SHOC2: variants seen among roughly 807,000 people sequenced by gnomAD.
SHOC2 encodes the protein SHOC2 leucine rich repeat scaffold protein, also known as leucine-rich repeat protein SHOC-2.
Under a neutral mutation model 50.2 loss-of-function variants are expected in SHOC2, and 4 were observed. That is an observed-to-expected ratio of 0.08 (90% CI 0.04 to 0.18). SHOC2 has a LOEUF of 0.18. SHOC2 is among the 10% of genes least tolerant of loss of function. The pLI, the probability that SHOC2 is intolerant of heterozygous loss-of-function variation, is 1.00. For synonymous variants in SHOC2, 218 were observed against 244.5 expected (o/e 0.89, Z 1.01); for missense variants, 388 against 669.6 (o/e 0.58, Z 4.64).
At chr10:111,008,134 TTTCTGTATCTAGAATGCCCTC>T (rs1334043003) in intron 6 of SHOC2, among the ~76,000 whole-genome samples, 1 of 147,030 alleles carries the variant, frequency 6.8e-6, no homozygotes, top group Non-Finnish European at 1.5e-5. Flanking sequence ...GTCCTATTGT[TTTCTGTATCTAGAATGCCCTC>T]TTCTCATCCC....
Position 110,963,444 on chromosome 10 carries a change from A to G in SHOC2, c.-234-681A>G, listed in dbSNP as rs888314052. Among the ~76,000 whole-genome samples, 6 of 152,276 alleles carry G rather than the reference A, an allele frequency of 3.9e-5. No individual in the cohort carries two copies. In the South Asian group the frequency reaches 1.2e-3, roughly 32 times the overall value. ...ATGTAGAGTGCTTATTAAAGTACAG[A>G]TTATTAATGCCCCTTTCCCTGAACT... On this transcript the variant is annotated intron_variant, in intron 1 of 8. Coordinates refer to ENST00000369452, the MANE Select transcript of SHOC2 (RefSeq NM_007373.4).
At chr10:111,002,481 A>G (rs1402892047) in intron 4 of SHOC2, among the ~76,000 whole-genome samples, 1 of 152,184 alleles carries the variant, frequency 6.6e-6, no homozygotes, top group East Asian at 1.9e-4. Flanking sequence ...ATGTAGGTGT[A>G]TACATATAGA....
At chr10:110,992,858 A>G (rs1848209468) in intron 3 of SHOC2, among the ~76,000 whole-genome samples, 1 of 152,084 alleles carries the variant, frequency 6.6e-6, no homozygotes, top group Non-Finnish European at 1.5e-5. Context: ...AAATAATGGT[A>G]CCTTTGACAT....
At chr10:110,973,924 G>A (rs1453351829) in intron 2 of SHOC2, among the ~76,000 whole-genome samples, 1 of 151,244 alleles carries the variant, frequency 6.6e-6, no homozygotes, top group Non-Finnish European at 1.5e-5. Context: ...TCTTGAAATT[G>A]GTAATTTGGG....
intron 2 of SHOC2, 38 bp from the exon 3 acceptor site, chr10:110,985,590 A>G: frequency 6.7e-7 from 1 of 1,500,322 alleles, no homozygotes; most frequent in Non-Finnish European, 9.3e-7. Context: ...ATGTTCTTTA[A>G]TAATGCTTAT....
chr10:110,998,695 C>A (rs1030428832), intron 3 of SHOC2, among the ~76,000 whole-genome samples: 1 of 152,108 alleles, frequency 6.6e-6, no homozygotes, highest in Non-Finnish European at 1.5e-5. Context: ...GTGGTGGTTA[C>A]ATTTTTCTGC....
At chr10:111,002,167 A>C (rs1465164633) in intron 4 of SHOC2, among the ~76,000 whole-genome samples, 5 of 152,234 alleles carry the variant, frequency 3.3e-5, no homozygotes, top group Admixed American at 6.5e-5. Context: ...GGAGCTTGTT[A>C]GAAATGTGGA....
chr10:111,009,208 T>G lies in SHOC2; in HGVS notation c.1285-40T>G, dbSNP rs1158474741. 3 of 1,382,216 alleles carry G rather than the reference T, an allele frequency of 2.2e-6. No individual in the cohort carries two copies. The East Asian group carries it at 6.9e-5, about 32-fold the overall frequency. 85.6% of individuals were successfully genotyped at this position (1,382,216 alleles called of 1,614,324 possible). A position where few individuals can be genotyped will look rare whatever the true frequency, so the allele number is the denominator to read the frequency against. ...CACACAATGACAGTATATAATTTCATTTCATGATTTCCTAAACATTATCAA... is the reference window on the plus strand; with the variant it reads ...CACACAATGACAGTATATAATTTCAGTTCATGATTTCCTAAACATTATCAA... On this transcript the variant is annotated intron_variant, in intron 6 of 8. Coordinates refer to ENST00000369452, the MANE Select transcript of SHOC2 (RefSeq NM_007373.4).
At chr10:110,939,245 G>C (rs989113479) in intron 1 of SHOC2, among the ~76,000 whole-genome samples, 2 of 151,806 alleles carry the variant, frequency 1.3e-5, no homozygotes, top group African/African-American at 4.8e-5. Flanking sequence ...TTGAGACTCG[G>C]TTTCACTGTG....
rs1302774310 is a variant in SHOC2, at chr10:110,964,712, A to G, written c.354A>G (p.Ser118=). 2.5e-6 allele frequency: 4 copies of G among 1,614,034 alleles called. No homozygotes were observed. The Admixed American group carries it at 6.7e-5, about 27-fold the overall frequency. Residue 118 remains serine, a synonymous_variant, in exon 2 of 9, where the codon TCA becomes TCG. Transcript: ENST00000369452. The surrounding 1 kb of genome is among the most constrained non-coding windows in gnomAD (Gnocchi z 4.9). Reference sequence around the variant, plus strand: ...GATCTATACACATATTGCCATCATCAATCAAAGAGTTGACTCAATTAACAG... The same window carrying G: ...GATCTATACACATATTGCCATCATCGATCAAAGAGTTGACTCAATTAACAG... ...SKRSIHILPS[S]IKELTQLTEL...
intron 1 of SHOC2, among the ~76,000 whole-genome samples, chr10:110,933,040 A>C (rs1252291517): frequency 6.6e-6 from 1 of 152,204 alleles, no homozygotes; most frequent in African/African-American, 2.4e-5. Context: ...TCTGGCTGGA[A>C]GTAGTAGATA....
chr10:110,969,813 A>G (rs1249915035), intron 2 of SHOC2, among the ~76,000 whole-genome samples: 1 of 152,104 alleles, frequency 6.6e-6, no homozygotes, highest in Non-Finnish European at 1.5e-5. Flanking sequence ...AAATTATCTA[A>G]TATATTAAAG....
At chr10:110,949,902 A>G (rs1263199277) in intron 1 of SHOC2, among the ~76,000 whole-genome samples, 1 of 152,188 alleles carries the variant, frequency 6.6e-6, no homozygotes, top group Admixed American at 6.5e-5. Context: ...AACTCAACAA[A>G]TTAGGGATAG....
intron 3 of SHOC2, among the ~76,000 whole-genome samples, chr10:110,991,880 A>G (rs927023470): frequency 6.6e-6 from 1 of 152,214 alleles, no homozygotes; most frequent in Admixed American, 6.5e-5. Context: ...CTGAGAAAGT[A>G]TAACTTAAAA....
At chr10:110,937,182 G>A (rs780453802) in intron 1 of SHOC2, 50 of 1,538,240 alleles carry the variant, frequency 3.3e-5, no homozygotes, top group Non-Finnish European at 4.1e-5. Flanking sequence ...GTCGCCAGGC[G>A]GCCCAGGAGA....
At chr10:110,992,158 C>T (rs528331961) in intron 3 of SHOC2, among the ~76,000 whole-genome samples, 47 of 152,090 alleles carry the variant, frequency 3.1e-4, no homozygotes, top group African/African-American at 1.1e-3. Context: ...TATCACTCCC[C>T]TGTGATAATT....
intron 8 of SHOC2, 144 bp downstream of exon 8, chr10:111,009,974 G>A (rs543755180): frequency 1.5e-5 from 9 of 607,372 alleles, no homozygotes; most frequent in Admixed American, 2.9e-5. Context: ...ATAGAGCACC[G>A]ATGGTTGATT....
chr10:110,957,691 G>C (rs1377431692), intron 1 of SHOC2, among the ~76,000 whole-genome samples: 1 of 151,930 alleles, frequency 6.6e-6, no homozygotes, highest in Non-Finnish European at 1.5e-5. Flanking sequence ...TGCCACACTT[G>C]CCCTGTGAAT....
At chr10:110,920,356 C>G (rs1204324397) in intron 1 of SHOC2, among the ~76,000 whole-genome samples, 1 of 152,106 alleles carries the variant, frequency 6.6e-6, no homozygotes, top group African/African-American at 2.4e-5. Context: ...GAAAAGTAGT[C>G]TCACTCTTCC....
Sources: allele counts gnomAD v4.1 joint callset (sites outside exome capture counted in the v4.1 genomes callset), GRCh38; gene constraint gnomAD v4.1.1; non-coding constraint Gnocchi (gnomAD v3.1); transcripts MANE v1.5; gene names NCBI Gene and HGNC (gene_info 2026-07-23, HGNC 2026-07-21).